NEGR1: variants seen among roughly 807,000 people sequenced by gnomAD.
NEGR1 encodes the protein neuronal growth regulator 1.
A neutral mutation model predicts 40.9 loss-of-function variants in NEGR1; 10 were observed. The ratio of observed to expected loss-of-function variants is 0.24; its 90% CI spans 0.15 to 0.42. The LOEUF (loss-of-function observed/expected upper bound fraction) is 0.42, where lower values mean the gene tolerates loss of function less well. Among genes scored for constraint, NEGR1 ranks in the 10% least tolerant of loss-of-function variants. The probability of loss-of-function intolerance (pLI) is 1.00; values close to 1 mark genes in which losing one functional copy is unlikely to be tolerated. For synonymous variants in NEGR1, 185 were observed against 166.8 expected, an observed-to-expected ratio of 1.11 and a Z score of -0.84; for missense variants, 352 against 438.9, an observed-to-expected ratio of 0.80 and a Z score of 1.77.
At chr1:71,644,092 T>G (rs550926183) in intron 4 of NEGR1, among the ~76,000 whole-genome samples, 13 of 152,056 alleles carry the variant, frequency 8.5e-5, no homozygotes, top group Middle Eastern at 6.8e-3. Context: ...CACTTTTCTT[T>G]GGAAGCAAAA....
intron 6 of NEGR1, among the ~76,000 whole-genome samples, chr1:71,441,607 A>G (rs896533540): frequency 5.3e-5 from 8 of 152,226 alleles, no homozygotes; most frequent in Non-Finnish European, 7.3e-5. Flanking sequence ...AGGCATCATC[A>G]AGGGTTTTTA....
intron 1 of NEGR1, among the ~76,000 whole-genome samples, chr1:72,224,843 A>G (rs1654123591): frequency 6.6e-6 from 1 of 152,106 alleles, no homozygotes; most frequent in Non-Finnish European, 1.5e-5. Context: ...GTGTAATACA[A>G]GATTAGTTAA....
intron 6 of NEGR1, among the ~76,000 whole-genome samples, chr1:71,497,341 A>G (rs1646970883): frequency 1.3e-5 from 2 of 152,324 alleles, no homozygotes; most frequent in South Asian, 2.1e-4. Context: ...ATATGTGTGT[A>G]TATCATAAAT....
chr1:71,661,903 T>A (rs1652067327), intron 4 of NEGR1, among the ~76,000 whole-genome samples: 1 of 152,204 alleles, frequency 6.6e-6, no homozygotes, highest in African/African-American at 2.4e-5. Context: ...ACTCTGCCAC[T>A]AATCAACTGT....
intron 6 of NEGR1, among the ~76,000 whole-genome samples, chr1:71,525,710 G>C (rs1409543410): frequency 6.6e-6 from 1 of 151,582 alleles, no homozygotes; most frequent in Non-Finnish European, 1.5e-5. Context: ...AAGTGTTTTG[G>C]TAATTGTGAT....
chr1:72,225,110 G>T (rs1383875712), intron 1 of NEGR1, among the ~76,000 whole-genome samples: 1 of 151,904 alleles, frequency 6.6e-6, no homozygotes, highest in Non-Finnish European at 1.5e-5. Context: ...GACATTAATG[G>T]AATCAGTGAA....
chr1:71,904,285 T>C (rs1264416276), intron 2 of NEGR1, among the ~76,000 whole-genome samples: 2 of 152,068 alleles, frequency 1.3e-5, no homozygotes, highest in Non-Finnish European at 2.9e-5. Flanking sequence ...GAAGTTATAT[T>C]GTAAATTATA....
chr1:71,715,176 T>C (rs1654234261), intron 3 of NEGR1, among the ~76,000 whole-genome samples: 1 of 152,200 alleles, frequency 6.6e-6, no homozygotes, highest in South Asian at 2.1e-4. Context: ...GCCAGAGCTA[T>C]ACATTGATCC....
intron 1 of NEGR1, among the ~76,000 whole-genome samples, chr1:71,947,981 G>A (rs1174373207): frequency 6.6e-6 from 1 of 151,994 alleles, no homozygotes; most frequent in African/African-American, 2.4e-5. Context: ...CTAGAGGTTG[G>A]GAAAGGAGAC....
intron 6 of NEGR1, among the ~76,000 whole-genome samples, chr1:71,579,683 A>G (rs1454388211): frequency 6.6e-6 from 1 of 151,114 alleles, no homozygotes; most frequent in Non-Finnish European, 1.5e-5. Context: ...TTTAACATAT[A>G]GATTCCTCCT....
chr1:71,980,575 T>A (rs895826682), intron 1 of NEGR1, among the ~76,000 whole-genome samples: 1 of 152,180 alleles, frequency 6.6e-6, no homozygotes, highest in South Asian at 2.1e-4. Context: ...GATATAAATA[T>A]GCATCTGCTT....
chr1:71,722,100 TCTGGTTGTG>T (rs1051577218), intron 3 of NEGR1, among the ~76,000 whole-genome samples: 1 of 152,064 alleles, frequency 6.6e-6, no homozygotes, highest in Non-Finnish European at 1.5e-5. Flanking sequence ...AGTGCTATTA[TCTGGTTGTG>T]CTTTTAGAAG....
intron 6 of NEGR1, among the ~76,000 whole-genome samples, chr1:71,589,521 C>T (rs11488287): frequency 0.043 from 6,523 of 152,102 alleles, 334 homozygotes; most frequent in African/African-American, 0.11. Flanking sequence ...TAGAAATGAC[C>T]TAATTTTTTC....
At chr1:72,211,647 G>C (rs1431304947) in intron 1 of NEGR1, among the ~76,000 whole-genome samples, 1 of 150,734 alleles carries the variant, frequency 6.6e-6, no homozygotes, top group African/African-American at 2.4e-5. Context: ...AATATGTAAT[G>C]GGTTTGTCAT....
At chr1:71,931,847 T>A (rs1475437955) in intron 2 of NEGR1, among the ~76,000 whole-genome samples, 1 of 152,194 alleles carries the variant, frequency 6.6e-6, no homozygotes, top group African/African-American at 2.4e-5. Context: ...TAAGGAGCTC[T>A]TGCTTCATAA....
intron 2 of NEGR1, among the ~76,000 whole-genome samples, chr1:71,807,586 A>G (rs528999178): frequency 6.6e-6 from 1 of 152,170 alleles, no homozygotes; most frequent in East Asian, 1.9e-4. Flanking sequence ...AGCTGCATAC[A>G]ATGCTCTGAT....
At chr1:71,825,940 TC>T (rs1442192563) in intron 2 of NEGR1, among the ~76,000 whole-genome samples, 5 of 152,062 alleles carry the variant, frequency 3.3e-5, no homozygotes, top group African/African-American at 1.2e-4. Context: ...AAAACACCTT[TC>T]TTACATCGTT....
At chr1:72,254,700 T>TAA (rs5775112) in intron 1 of NEGR1, among the ~76,000 whole-genome samples, 9 of 106,550 alleles carry the variant, frequency 8.4e-5, no homozygotes, top group East Asian at 3.1e-4. Flanking sequence ...AGACTCTGTC[T>TAA]AAAAAAAAAA....
intron 1 of NEGR1, among the ~76,000 whole-genome samples, chr1:72,125,767 T>A (rs541466683): frequency 6.6e-6 from 1 of 152,264 alleles, no homozygotes; most frequent in South Asian, 2.1e-4. Context: ...AAAATAGATT[T>A]TTGAATTGGA....
Sources: gnomAD v4.1 joint callset for allele counts (sites outside exome capture counted in the v4.1 genomes callset) on GRCh38, gnomAD v4.1.1 for gene constraint, MANE v1.5 for transcripts, NCBI Gene and HGNC (gene_info 2026-07-23, HGNC 2026-07-21) for gene names.